The following CAMKMT variants were observed in gnomAD, a reference collection of about 807,000 sequenced individuals.
CAMKMT encodes calmodulin-lysine N-methyltransferase, also known as CaM KMT.
Under a neutral mutation model 48.0 loss-of-function variants are expected in CAMKMT, and 53 were observed. The observed-to-expected ratio is 1.10, with a 90% CI of 0.89 to 1.39. The LOEUF (loss-of-function observed/expected upper bound fraction) is 1.39, where lower values mean the gene tolerates loss of function less well. Among genes scored for constraint, CAMKMT ranks in the 40% most tolerant of loss-of-function variants. The probability of loss-of-function intolerance (pLI) is 0.00; values close to 1 mark genes in which losing one functional copy is unlikely to be tolerated. For synonymous variants in CAMKMT, 165 were observed against 152.3 expected (o/e 1.08, Z -0.61); for missense variants, 428 against 402.7 (o/e 1.06, Z -0.54).
intron 3 of CAMKMT, among the ~76,000 whole-genome samples, chr2:44,431,039 A>T (rs913379231): frequency 1.3e-5 from 2 of 152,232 alleles, no homozygotes; most frequent in Non-Finnish European, 2.9e-5. Context: ...GTAATCATAC[A>T]TAATTCTCTT....
At chr2:44,646,477 C>T (rs575002195) in intron 3 of CAMKMT, among the ~76,000 whole-genome samples, 19 of 152,184 alleles carry the variant, frequency 1.2e-4, no homozygotes, top group African/African-American at 4.1e-4. Context: ...TCCAGTGATT[C>T]TGAAGCTGAA....
intron 3 of CAMKMT, among the ~76,000 whole-genome samples, chr2:44,545,164 C>T (rs1057204745): frequency 2.6e-5 from 4 of 152,150 alleles, no homozygotes; most frequent in African/African-American, 9.7e-5. Flanking sequence ...GGCTCTGTCA[C>T]GGTATGGGGC....
chr2:44,403,076 A>T (rs1682541560), intron 3 of CAMKMT, among the ~76,000 whole-genome samples: 1 of 152,130 alleles, frequency 6.6e-6, no homozygotes, highest in Admixed American at 6.6e-5. Flanking sequence ...TGGAAGGGAC[A>T]CTGATATTAC....
At chr2:44,599,328 C>T (rs1670849168) in intron 3 of CAMKMT, among the ~76,000 whole-genome samples, 1 of 152,108 alleles carries the variant, frequency 6.6e-6, no homozygotes, top group African/African-American at 2.4e-5. Context: ...GCCTGAAGGG[C>T]TCCAGTAACA....
chr2:44,742,869 T>G (rs1345365219), intron 7 of CAMKMT, among the ~76,000 whole-genome samples: 3 of 152,174 alleles, frequency 2.0e-5, no homozygotes, highest in Admixed American at 6.5e-5. Flanking sequence ...GAATTTTACT[T>G]TGAAAAATAG....
intron 7 of CAMKMT, among the ~76,000 whole-genome samples, chr2:44,718,339 G>C (rs1023790873): frequency 1.3e-5 from 2 of 152,172 alleles, no homozygotes; most frequent in Non-Finnish European, 2.9e-5. Context: ...CTGAATCTAA[G>C]ATCCACATAT....
At chr2:44,519,934 G>A (rs1206536627) in intron 3 of CAMKMT, among the ~76,000 whole-genome samples, 14 of 152,036 alleles carry the variant, frequency 9.2e-5, no homozygotes, top group South Asian at 2.1e-4. Flanking sequence ...TGAGATGGCC[G>A]GGCGCGGTGG....
chr2:44,673,008 G>C (rs191162952), intron 3 of CAMKMT, among the ~76,000 whole-genome samples: 183 of 152,248 alleles, frequency 1.2e-3, no homozygotes, highest in African/African-American at 4.2e-3. Flanking sequence ...CACTGAAATA[G>C]GGAGTAATGA....
chr2:44,589,912 C>T (rs376198868), intron 3 of CAMKMT, among the ~76,000 whole-genome samples: 1 of 68,500 alleles, frequency 1.5e-5, no homozygotes, highest in South Asian at 4.6e-4. Flanking sequence ...AAAAAAAGAA[C>T]GAAAAAAAAA....
At chr2:44,478,991 GC>G (rs1371338843) in intron 3 of CAMKMT, among the ~76,000 whole-genome samples, 1 of 152,118 alleles carries the variant, frequency 6.6e-6, no homozygotes, top group East Asian at 1.9e-4. Context: ...GAGCCACCGC[GC>G]CCGGCAATTG....
intron 3 of CAMKMT, among the ~76,000 whole-genome samples, chr2:44,396,884 C>A (rs960116455): frequency 6.6e-6 from 1 of 151,908 alleles, no homozygotes; most frequent in South Asian, 2.1e-4. Context: ...CATGGTGAAA[C>A]CCTGTCTCTA....
At chr2:44,498,140 C>T (rs1244378322) in intron 3 of CAMKMT, among the ~76,000 whole-genome samples, 1 of 152,076 alleles carries the variant, frequency 6.6e-6, no homozygotes, top group Non-Finnish European at 1.5e-5. Context: ...GAGAGAGATC[C>T]ATCATAGCAC....
intron 3 of CAMKMT, among the ~76,000 whole-genome samples, chr2:44,633,462 C>T (rs973905259): frequency 5.9e-5 from 9 of 151,766 alleles, no homozygotes; most frequent in African/African-American, 2.2e-4. Context: ...CGTTTTTTAC[C>T]CCTTTCTCTT....
At chr2:44,582,552 T>C (rs73927157) in intron 3 of CAMKMT, among the ~76,000 whole-genome samples, 1 of 152,188 alleles carries the variant, frequency 6.6e-6, no homozygotes, top group Non-Finnish European at 1.5e-5. Flanking sequence ...CAGCACATAG[T>C]CCAATAAGCA....
At chr2:44,420,535 C>T (rs1259916438) in intron 3 of CAMKMT, among the ~76,000 whole-genome samples, 1 of 151,872 alleles carries the variant, frequency 6.6e-6, no homozygotes, top group Non-Finnish European at 1.5e-5. Context: ...TGGACCTGTG[C>T]AGTTCAAACA....
At chr2:44,558,034 TATTCATTCATTC>T (rs60843994) in intron 3 of CAMKMT, among the ~76,000 whole-genome samples, 86,602 of 143,672 alleles carry the variant, frequency 0.6, 25,807 homozygotes, top group Admixed American at 0.68. Flanking sequence ...TTTATTTATT[TATTCATTCATTC>T]ATTCATTCAT....
chr2:44,468,911 C>T (rs1280137479), intron 3 of CAMKMT, among the ~76,000 whole-genome samples: 1 of 151,926 alleles, frequency 6.6e-6, no homozygotes, highest in Non-Finnish European at 1.5e-5. Context: ...GAGTGTGAGA[C>T]CCTGTCTCAA....
intron 3 of CAMKMT, among the ~76,000 whole-genome samples, chr2:44,665,521 A>T (rs1261146981): frequency 6.6e-6 from 1 of 152,192 alleles, no homozygotes; most frequent in African/African-American, 2.4e-5. Context: ...AATTTAGGAA[A>T]TCATTGCCCT....
At position 44,380,995 on chromosome 2, in the gene CAMKMT, A is replaced by G. The variant is rs372126407; in HGVS notation, c.311+8107A>G. 3.5e-4 allele frequency among the ~76,000 whole-genome samples: 53 copies of G among 152,200 alleles called. No homozygotes were observed. The East Asian group carries it at 4.1e-3, about 12-fold the overall frequency. Reference sequence around the variant, plus strand: ...GCCAACATAGTGAAACCCCATCTCTACTAAAAATACAAAAATTAGCCGGGA... The same window carrying G: ...GCCAACATAGTGAAACCCCATCTCTGCTAAAAATACAAAAATTAGCCGGGA... On this transcript the variant is annotated intron_variant, in intron 2 of 10. Transcript: ENST00000378494.
Sources: gnomAD v4.1 joint callset for allele counts (sites outside exome capture counted in the v4.1 genomes callset) on GRCh38, gnomAD v4.1.1 for gene constraint, MANE v1.5 for transcripts, NCBI Gene and HGNC (gene_info 2026-07-23, HGNC 2026-07-21) for gene names.